The following HCN1 variants were observed in gnomAD, a reference collection of about 807,000 sequenced individuals.
The protein encoded by HCN1 is hyperpolarization activated cyclic nucleotide gated potassium channel 1.
A neutral mutation model predicts 78.9 loss-of-function variants in HCN1; 13 were observed. The observed-to-expected ratio is 0.16, with a 90% CI of 0.11 to 0.26. The LOEUF is 0.26. Among genes scored for constraint, HCN1 ranks in the 10% least tolerant of loss-of-function variants. The pLI is 1.00. For synonymous variants in HCN1, 552 were observed against 455.5 expected, an observed-to-expected ratio of 1.21 and a Z score of -2.70; for missense variants, 810 against 1,154.3, an observed-to-expected ratio of 0.70 and a Z score of 4.32.
intron 2 of HCN1, among the ~76,000 whole-genome samples, chr5:45,499,287 C>G (rs1240313467): frequency 6.6e-6 from 1 of 152,198 alleles, no homozygotes; most frequent in Non-Finnish European, 1.5e-5. Flanking sequence ...ATATAATCTC[C>G]TGGTGCGCCG....
chr5:45,273,989 A>G (rs999541219), intron 6 of HCN1, among the ~76,000 whole-genome samples: 1 of 152,156 alleles, frequency 6.6e-6, no homozygotes, highest in African/African-American at 2.4e-5. Context: ...AGGAAAGAAC[A>G]TTAAATAGGT....
At chr5:45,539,881 T>G (rs1743058077) in intron 2 of HCN1, among the ~76,000 whole-genome samples, 1 of 144,924 alleles carries the variant, frequency 6.9e-6, no homozygotes, top group South Asian at 2.1e-4. Flanking sequence ...TTTACTTGCA[T>G]AAACAGCATA....
At chr5:45,373,709 T>C (rs1425027833) in intron 4 of HCN1, among the ~76,000 whole-genome samples, 1 of 121,480 alleles carries the variant, frequency 8.2e-6, no homozygotes, top group Non-Finnish European at 1.6e-5. Context: ...ATACGTCATC[T>C]ATAATATATT....
rs568082583 is a variant in HCN1 at position 45,497,273 on chromosome 5, C to T, written c.850-35266G>A. ...GGGTATCCTTGTTGACTTTCTGTCT[C>T]GTTGATCTGTCTAATGTTGACAGTG... is the stretch of plus-strand genomic sequence containing the variant. On this transcript the variant is annotated intron_variant, in intron 2 of 7. Coordinates refer to ENST00000303230, the MANE Select transcript of HCN1 (RefSeq NM_021072.4). Among the ~76,000 whole-genome samples the T allele has an allele frequency of 3.4e-4, 52 of 152,140 alleles. 1 individual carries two copies. The East Asian group carries it at 7.2e-3, about 21-fold the overall frequency.
chr5:45,469,815 G>T (rs113985752), intron 2 of HCN1, among the ~76,000 whole-genome samples: 2,129 of 150,642 alleles, frequency 0.014, 51 homozygotes, highest in African/African-American at 0.048. Flanking sequence ...GTGTTTGTGT[G>T]AATGTAGAGA....
intron 2 of HCN1, among the ~76,000 whole-genome samples, chr5:45,580,008 T>C (rs1220863256): frequency 1.3e-5 from 2 of 152,176 alleles, no homozygotes; most frequent in East Asian, 3.9e-4. Context: ...GGAATATTAA[T>C]TGAAAGATAT....
At chr5:45,348,656 A>C (rs1176987412) in intron 5 of HCN1, among the ~76,000 whole-genome samples, 1 of 152,224 alleles carries the variant, frequency 6.6e-6, no homozygotes, top group Non-Finnish European at 1.5e-5. Flanking sequence ...ACATAGGCTC[A>C]AAATAAAAGG....
At chr5:45,413,867 T>C (rs1388977796) in intron 3 of HCN1, among the ~76,000 whole-genome samples, 1 of 151,986 alleles carries the variant, frequency 6.6e-6, no homozygotes, top group Non-Finnish European at 1.5e-5. Context: ...AATAGATTCA[T>C]AATAAATTAT....
intron 2 of HCN1, among the ~76,000 whole-genome samples, chr5:45,632,981 T>G (rs1392491557): frequency 6.6e-6 from 1 of 152,032 alleles, no homozygotes; most frequent in Non-Finnish European, 1.5e-5. Context: ...TTCTTGATAA[T>G]CTGTTAGATA....
In HCN1 at chr5:45,658,596, C is replaced by T. The variant is rs567735561; in HGVS notation, c.426-12988G>A. Among the ~76,000 whole-genome samples the T allele has an allele frequency of 2.4e-3, 368 of 151,824 alleles. 1 individual carries two copies. Among genetic ancestry groups the T allele is most frequent in the Non-Finnish European group, 2.5e-3 (169 of 67,900 alleles). On this transcript the variant is annotated intron_variant, in intron 1 of 7. Transcript: ENST00000303230. ...CAGTGGGCGCAGGCCAGTGTGTGCG[C>T]GCACCGTGCGCGAGCCGAAGCAGGG...
chr5:45,483,215 C>T (rs76390627), intron 2 of HCN1, among the ~76,000 whole-genome samples: 4,735 of 152,242 alleles, frequency 0.031, 285 homozygotes, highest in African/African-American at 0.11. Context: ...GACTAATTTA[C>T]ATTCCCACCA....
chr5:45,560,420 G>T (rs949695653), intron 2 of HCN1, among the ~76,000 whole-genome samples: 3 of 151,766 alleles, frequency 2.0e-5, no homozygotes, highest in East Asian at 1.9e-4. Flanking sequence ...ATTTCTAAAC[G>T]GTCATATTTC....
rs372533218 is a variant in HCN1, at chr5:45,421,158, G to T, written c.1012-24448C>A. On this transcript the variant is annotated intron_variant, in intron 3 of 7. Transcript: ENST00000303230. ...GCTCAATGCAAGCTCTGCCTCCTGG[G>T]TTCACACCATTCTCCTGCCTCAGCT... 2.4e-4 allele frequency among the ~76,000 whole-genome samples: 36 copies of T among 152,084 alleles called. No homozygotes were observed. The East Asian group carries it at 5.4e-3, about 23-fold the overall frequency.
At chr5:45,660,337 C>T (rs1409869462) in intron 1 of HCN1, among the ~76,000 whole-genome samples, 6 of 109,714 alleles carry the variant, frequency 5.5e-5, no homozygotes, top group East Asian at 2.7e-4. Flanking sequence ...CGGTACCAGC[C>T]GCTGCAAAAT....
intron 6 of HCN1, among the ~76,000 whole-genome samples, chr5:45,290,179 C>T (rs546004973): frequency 7.9e-5 from 12 of 152,150 alleles, no homozygotes; most frequent in African/African-American, 2.9e-4. Flanking sequence ...CCCCACTTCT[C>T]CTTTGCCTTC....
chr5:45,538,157 G>A (rs1267791605), intron 2 of HCN1, among the ~76,000 whole-genome samples: 3 of 151,952 alleles, frequency 2.0e-5, no homozygotes, highest in Non-Finnish European at 4.4e-5. Flanking sequence ...AAATCCAAAT[G>A]AAACTAAGAA....
At chr5:45,340,269 C>T (rs1746548732) in intron 5 of HCN1, among the ~76,000 whole-genome samples, 1 of 152,068 alleles carries the variant, frequency 6.6e-6, no homozygotes, top group African/African-American at 2.4e-5. Context: ...TTCTTGTTAT[C>T]TTCATTATAT....
rs1478382594 is a variant in HCN1, at chr5:45,324,082, G to C, written c.1378-20243C>G. The stretch of plus-strand genomic sequence containing the variant: ...ATCCTTTGGGTATATACCCAGTAAT[G>C]GGATGGCTGGGTCAAATGGTATTTC... On this transcript the variant is annotated intron_variant, in intron 5 of 7. Transcript: ENST00000303230. Among the ~76,000 whole-genome samples, 4 of 139,950 alleles carry C rather than the reference G, an allele frequency of 2.9e-5. No homozygotes were observed. The East Asian group carries it at 8.9e-4, about 31-fold the overall frequency. The allele number at this position is 139,950 out of a possible 152,430, so 91.8% of individuals were successfully genotyped here.
intron 2 of HCN1, among the ~76,000 whole-genome samples, chr5:45,489,556 GCTCT>G (rs545361332): frequency 1.3e-5 from 2 of 152,124 alleles, no homozygotes; most frequent in African/African-American, 4.8e-5. Flanking sequence ...ACAATAAAGT[GCTCT>G]CTGTTTCCAC....
Sources: allele counts gnomAD v4.1 joint callset (sites outside exome capture counted in the v4.1 genomes callset), GRCh38; gene constraint gnomAD v4.1.1; transcripts MANE v1.5; gene names NCBI Gene and HGNC (gene_info 2026-07-23, HGNC 2026-07-21).